The following NCKAP1 variants were observed in gnomAD, a reference collection of about 807,000 sequenced individuals.
The protein encoded by NCKAP1 is nck-associated protein 1.
Under a neutral mutation model 151.2 loss-of-function variants are expected in NCKAP1, and 21 were observed. The ratio of observed to expected loss-of-function variants is 0.14; its 90% CI spans 0.10 to 0.20. The LOEUF is 0.20. NCKAP1 is among the 10% of genes least tolerant of loss of function. The pLI is 1.00. For missense variants in NCKAP1, 933 were observed against 1,352.1 expected, an observed-to-expected ratio of 0.69 and a Z score of 4.86; for synonymous variants, 484 against 451.8, an observed-to-expected ratio of 1.07 and a Z score of -0.90.
At chr2:182,998,112 C>A (rs1281554159) in intron 6 of NCKAP1, among the ~76,000 whole-genome samples, 3 of 152,068 alleles carry the variant, frequency 2.0e-5, no homozygotes, top group Non-Finnish European at 2.9e-5. Flanking sequence ...AAAAAGCATT[C>A]GATAAAATCC....
intron 2 of NCKAP1, among the ~76,000 whole-genome samples, chr2:183,013,758 G>A (rs896663416): frequency 2.0e-5 from 3 of 152,066 alleles, no homozygotes; most frequent in Non-Finnish European, 4.4e-5. Context: ...AGCCCTATAT[G>A]ATCTGCCTAT....
At chr2:183,002,386 G>A in intron 4 of NCKAP1, 117 bp from the exon 5 acceptor site, 5 of 714,196 alleles carry the variant, frequency 7.0e-6, no homozygotes. Flanking sequence ...TTTTATCCCT[G>A]TTCTAAAATG....
At chr2:182,999,534 T>C (rs1392355045) in intron 6 of NCKAP1, among the ~76,000 whole-genome samples, 1 of 152,154 alleles carries the variant, frequency 6.6e-6, no homozygotes, top group Non-Finnish European at 1.5e-5. Flanking sequence ...GAAAAGGAAA[T>C]GCTTATACAC....
At chr2:183,011,834 A>G (rs974661949) in intron 2 of NCKAP1, among the ~76,000 whole-genome samples, 2 of 152,218 alleles carry the variant, frequency 1.3e-5, no homozygotes, top group African/African-American at 4.8e-5. Flanking sequence ...TGACATGAAA[A>G]GTACAGATAA....
intron 15 of NCKAP1, among the ~76,000 whole-genome samples, chr2:182,974,478 C>T (rs1451611857): frequency 6.6e-6 from 1 of 151,898 alleles, no homozygotes; most frequent in African/African-American, 2.4e-5. Flanking sequence ...TTGAATGGGA[C>T]CTAATCAAAT....
chr2:183,012,403 A>T (rs1390100611), intron 2 of NCKAP1, among the ~76,000 whole-genome samples: 1 of 152,202 alleles, frequency 6.6e-6, no homozygotes, highest in Non-Finnish European at 1.5e-5. Context: ...GCCTGTAAAC[A>T]GGAATAAAGC....
chr2:182,983,374 A>T lies in NCKAP1; in HGVS notation c.1013T>A (p.Met338Lys), dbSNP rs376081149. 7.5e-6 allele frequency: 12 copies of T among 1,609,118 alleles called. No homozygotes were observed. The highest frequency in any genetic ancestry group is 2.2e-5 in the East Asian group (1 of 44,832). ...TAAAAACTTGCGTCTTTCTCTGTGC[A>T]TTGAACCACTATGGGGAAAGACACC... is the stretch of plus-strand genomic sequence containing the variant. ...KEAAVSHAGS[M>K]HRERRKFLRS... Residue 338 changes from methionine (M) to lysine (K), a missense_variant, in exon 11 of 31, where the codon ATG becomes AAG. Met to Lys is a moderately conservative substitution (Grantham distance 95). Transcript: ENST00000361354.
At chr2:182,948,568 G>C (rs552050378) in intron 23 of NCKAP1, among the ~76,000 whole-genome samples, 1 of 152,126 alleles carries the variant, frequency 6.6e-6, no homozygotes, top group South Asian at 2.1e-4. Context: ...AAATAGTTAA[G>C]TTTATAAAAT....
At chr2:182,928,943 G>T in intron 27 of NCKAP1, 44 bp from the exon 28 acceptor site, 1 of 1,242,614 alleles carries the variant, frequency 8.0e-7, no homozygotes, top group Non-Finnish European at 1.2e-6. Flanking sequence ...ATTTCTTCAA[G>T]ATTAGTTAAG....
intron 15 of NCKAP1, among the ~76,000 whole-genome samples, chr2:182,976,229 C>A (rs191153388): frequency 1.2e-4 from 19 of 152,134 alleles, no homozygotes; most frequent in African/African-American, 4.1e-4. Context: ...ACAGTATACA[C>A]CAAGGTGTTA....
At chr2:182,931,092 AG>A (rs1445859253) in intron 26 of NCKAP1, among the ~76,000 whole-genome samples, 2 of 152,170 alleles carry the variant, frequency 1.3e-5, no homozygotes, top group Admixed American at 1.3e-4. Flanking sequence ...TAAAATATCA[AG>A]TCAGAAAAGA....
intron 12 of NCKAP1, among the ~76,000 whole-genome samples, chr2:182,981,844 G>A (rs1222479245): frequency 2.0e-5 from 3 of 149,816 alleles, no homozygotes; most frequent in East Asian, 2.0e-4. Flanking sequence ...AGGAGGTTGA[G>A]GTTGCAGTAA....
In NCKAP1 at chr2:182,953,145, T is replaced by C. The variant is rs1697253265; in HGVS notation, c.2340A>G (p.Gly780=). Residue 780 remains glycine (G), a synonymous_variant, in exon 21 of 31, where the codon GGA becomes GGG. Transcript: ENST00000361354. ...LQQTQHLDSH[G]EPTITSLYTN... is the part of the protein sequence containing the mutation. ...TGTATAGACTTGTAATGGTTGGCTC[T>C]CCATGACTGTCTAAATGTTGTGTTT... 2 of 1,613,268 alleles carry C rather than the reference T, an allele frequency of 1.2e-6. No individual in the cohort carries two copies. The highest frequency in any genetic ancestry group is 2.2e-5 in the South Asian group (2 of 90,998).
At chr2:182,950,637 C>T (rs1336381606) in intron 23 of NCKAP1, among the ~76,000 whole-genome samples, 1 of 152,094 alleles carries the variant, frequency 6.6e-6, no homozygotes, top group Middle Eastern at 3.4e-3. Flanking sequence ...ACAATAATTG[C>T]AGAAAACTTT....
At position 182,921,559 on chromosome 2, in the gene NCKAP1, T is replaced by C. The variant is rs1179730289; in HGVS notation, c.*4143A>G. 3 of 152,182 alleles carry C rather than the reference T, an allele frequency of 2.0e-5. No individual in the cohort carries two copies. Among genetic ancestry groups the C allele is most frequent in the East Asian group, 1.9e-4 (1 of 5,196 alleles). 9.4% of individuals were successfully genotyped at this position (152,182 alleles called of 1,614,324 possible). A position where few individuals can be genotyped will look rare whatever the true frequency, so the allele number is the denominator to read the frequency against. The stretch of plus-strand genomic sequence containing the variant: ...ACCTGCACCAAGAGCACCAAGAGGA[T>C]TGTCTCAATCCTTAAGAGAAAGAAG... On this transcript the variant is annotated 3_prime_UTR_variant, in exon 31 of 31. Coordinates refer to ENST00000361354, the MANE Select transcript of NCKAP1 (RefSeq NM_013436.5).
chr2:182,964,551 T>C (rs1697524922), intron 17 of NCKAP1, 125 bp downstream of exon 17: 1 of 637,394 alleles, frequency 1.6e-6, no homozygotes, highest in Non-Finnish European at 2.4e-6. Context: ...TTTCTGATTC[T>C]GCATAGAGAT....
chr2:182,935,035 T>C (rs1282616443), intron 25 of NCKAP1, among the ~76,000 whole-genome samples: 2 of 152,246 alleles, frequency 1.3e-5, no homozygotes, highest in Non-Finnish European at 2.9e-5. Context: ...ATAGTCAAAA[T>C]TGAAAATACT....
Position 182,998,428 on chromosome 2 carries a change from T to C in NCKAP1, c.604-2590A>G, listed in dbSNP as rs552608974. Among the ~76,000 whole-genome samples the C allele has an allele frequency of 2.6e-5, 4 of 152,316 alleles. 1 individual carries two copies. Among genetic ancestry groups the C allele is most frequent in the African/African-American group, 7.2e-5 (3 of 41,576 alleles). ...TCTCTTTTCATTGACAATATAATTCTATACCTAGAAAACTAAATGACTTTG... is the reference window on the plus strand; with the variant it reads ...TCTCTTTTCATTGACAATATAATTCCATACCTAGAAAACTAAATGACTTTG... On this transcript the variant is annotated intron_variant, in intron 6 of 30. Transcript: ENST00000361354.
chr2:182,964,583 T>G, intron 17 of NCKAP1, 93 bp downstream of exon 17: 1 of 1,103,438 alleles, frequency 9.1e-7, no homozygotes. Context: ...GAAGCTAAGT[T>G]AGCTAATTAT....
Sources: allele counts gnomAD v4.1 joint callset (sites outside exome capture counted in the v4.1 genomes callset), GRCh38; gene constraint gnomAD v4.1.1; transcripts MANE v1.5; gene names NCBI Gene and HGNC (gene_info 2026-07-23, HGNC 2026-07-21).